The following RANBP2 variants were observed in gnomAD, a reference collection of about 807,000 sequenced individuals.
RANBP2 encodes E3 SUMO-protein ligase RanBP2.
Under a neutral mutation model 303.6 loss-of-function variants are expected in RANBP2, and 57 were observed. The ratio of observed to expected loss-of-function variants is 0.19; its 90% CI spans 0.15 to 0.23. The LOEUF is 0.23. Ranked by LOEUF, RANBP2 falls within the 10% of genes least tolerant of loss-of-function variation. The pLI, the probability that RANBP2 is intolerant of heterozygous loss-of-function variation, is 1.00. For synonymous variants in RANBP2, 1,167 were observed against 1,301.5 expected, an observed-to-expected ratio of 0.90 and a Z score of 2.23; for missense variants, 3,138 against 3,780.8, an observed-to-expected ratio of 0.83 and a Z score of 4.46.
chr2:108,849,543 C>T, the RANBP2 span, among the ~76,000 whole-genome samples: 1 of 152,258 alleles, frequency 6.6e-6, no homozygotes, highest in African/African-American at 2.4e-5. Context: ...GGCCCTGACA[C>T]GTCTCCCTGC....
chr2:109,146,052 G>A, the RANBP2 span, among the ~76,000 whole-genome samples: 1 of 132,738 alleles, frequency 7.5e-6, no homozygotes, highest in African/African-American at 4.2e-5. Context: ...GCGGGCCGAG[G>A]GAGTCCATGC....
chr2:109,468,049 A>T, the RANBP2 span, among the ~76,000 whole-genome samples: 2 of 152,362 alleles, frequency 1.3e-5, no homozygotes, highest in South Asian at 4.1e-4. Context: ...GCCCACAAAG[A>T]TTCCCACAAC....
At chr2:109,044,502 G>A in the RANBP2 span, among the ~76,000 whole-genome samples, 60 of 152,134 alleles carry the variant, frequency 3.9e-4, no homozygotes, top group Non-Finnish European at 7.2e-4. Flanking sequence ...CAGCCTGGAC[G>A]ATAGAGCGAG....
At chr2:109,442,475 A>T in the RANBP2 span, among the ~76,000 whole-genome samples, 1 of 152,176 alleles carries the variant, frequency 6.6e-6, no homozygotes, top group Admixed American at 6.5e-5. Context: ...TTTTCTTATT[A>T]TTTGAATATC....
chr2:109,355,279 C>T, the RANBP2 span, among the ~76,000 whole-genome samples: 1 of 152,146 alleles, frequency 6.6e-6, no homozygotes, highest in African/African-American at 2.4e-5. Flanking sequence ...TCATAAAATT[C>T]TTGAATGCTG....
At chr2:109,549,924 T>C in the RANBP2 span, among the ~76,000 whole-genome samples, 17 of 152,184 alleles carry the variant, frequency 1.1e-4, no homozygotes, top group African/African-American at 4.1e-4. Context: ...AACTGAAACC[T>C]CAGAAAGCCA....
At chr2:109,692,921 C>G in the RANBP2 span, among the ~76,000 whole-genome samples, 2 of 149,304 alleles carry the variant, frequency 1.3e-5, no homozygotes, top group South Asian at 2.1e-4. Flanking sequence ...CGGGTTCAAG[C>G]GATTCTCGTG....
the RANBP2 span, among the ~76,000 whole-genome samples, chr2:109,314,481 G>A: frequency 2.0e-3 from 312 of 152,266 alleles, 1 homozygote; most frequent in African/African-American, 6.9e-3. Context: ...GCCTGAAACG[G>A]CATGACCTTT....
At chr2:109,631,794 T>C in the RANBP2 span, among the ~76,000 whole-genome samples, 2 of 152,146 alleles carry the variant, frequency 1.3e-5, no homozygotes, top group Admixed American at 1.3e-4. Context: ...ATTATCTCTG[T>C]TGTATAACAA....
the RANBP2 span, among the ~76,000 whole-genome samples, chr2:108,971,528 C>T: frequency 1.3e-5 from 2 of 151,786 alleles, no homozygotes; most frequent in Non-Finnish European, 3.0e-5. Flanking sequence ...ACTCCCCAGG[C>T]ATTCTAGCAG....
At chr2:109,588,479 T>C in the RANBP2 span, among the ~76,000 whole-genome samples, 7 of 152,312 alleles carry the variant, frequency 4.6e-5, no homozygotes, top group African/African-American at 1.7e-4. Context: ...TTCTACAGTA[T>C]ACATAAAGTG....
chr2:109,413,644 C>G, the RANBP2 span, among the ~76,000 whole-genome samples: 1 of 152,216 alleles, frequency 6.6e-6, no homozygotes, highest in Non-Finnish European at 1.5e-5. Flanking sequence ...TCTCTGGCCC[C>G]CACATTCCCC....
chr2:109,713,880 A>G, the RANBP2 span, among the ~76,000 whole-genome samples: 2 of 152,198 alleles, frequency 1.3e-5, no homozygotes, highest in Non-Finnish European at 2.9e-5. Flanking sequence ...AATACTTCCA[A>G]CACCACATGT....
Position 108,772,956 on chromosome 2 carries a change from A to T in RANBP2, c.8202A>T (p.Thr2734=). The T allele has an allele frequency of 6.2e-7, 1 of 1,614,026 alleles. No individual in the cohort carries two copies. The highest frequency in any genetic ancestry group is 8.5e-7 in the Non-Finnish European group (1 of 1,179,938). Residue 2734 remains threonine (T), a synonymous_variant, in exon 23 of 29, where the codon ACA becomes ACT. Transcript: ENST00000283195. ...CAGATACGTTAAAACTTCCACCTAC[A>T]TTTTTTTGTGGAGTCTGTAGTGATA... ...AKADTLKLPP[T]FFCGVCSDTD... is the part of the protein sequence containing the mutation.
chr2:109,610,725 A>C, the RANBP2 span, among the ~76,000 whole-genome samples: 1 of 152,190 alleles, frequency 6.6e-6, no homozygotes, highest in African/African-American at 2.4e-5. Context: ...TCAAAAAAAA[A>C]GAGAGAAATG....
chr2:109,132,899 C>CTT, the RANBP2 span, among the ~76,000 whole-genome samples: 1 of 152,180 alleles, frequency 6.6e-6, no homozygotes, highest in Non-Finnish European at 1.5e-5. Flanking sequence ...TCAAAACATG[C>CTT]TTTTTAATGT....
At chr2:108,930,842 A>T in the RANBP2 span, 1 of 1,114,408 alleles carries the variant, frequency 9.0e-7, no homozygotes, top group African/African-American at 1.5e-5. Flanking sequence ...TCACCCTCAG[A>T]AGAACCCTGT....
chr2:109,104,734 C>T, the RANBP2 span, among the ~76,000 whole-genome samples: 5 of 152,132 alleles, frequency 3.3e-5, no homozygotes, highest in African/African-American at 7.2e-5. Flanking sequence ...CCGCCCACCT[C>T]GGCCTCCCAA....
the RANBP2 span, among the ~76,000 whole-genome samples, chr2:109,202,898 C>G: frequency 6.6e-6 from 1 of 152,172 alleles, no homozygotes; most frequent in Non-Finnish European, 1.5e-5. Flanking sequence ...CAGTTTTGTC[C>G]CGATAGTAAT....
Sources: gnomAD v4.1 joint callset for allele counts (sites outside exome capture counted in the v4.1 genomes callset) on GRCh38, gnomAD v4.1.1 for gene constraint, MANE v1.5 for transcripts, NCBI Gene and HGNC (gene_info 2026-07-23, HGNC 2026-07-21) for gene names.